The following TNRC6B variants were observed in gnomAD, a reference collection of about 807,000 sequenced individuals.
TNRC6B encodes the protein trinucleotide repeat-containing gene 6B protein.
In TNRC6B, 52 loss-of-function variants were observed where a neutral mutation model predicts 203.6. The observed-to-expected ratio is 0.26, with a 90% CI of 0.20 to 0.32. The LOEUF (loss-of-function observed/expected upper bound fraction) is 0.32, where lower values mean the gene tolerates loss of function less well. TNRC6B is among the 10% of genes least tolerant of loss of function. The pLI is 1.00. For missense variants in TNRC6B, 1,923 were observed against 2,286.2 expected, an observed-to-expected ratio of 0.84 and a Z score of 3.24; for synonymous variants, 838 against 845.7, an observed-to-expected ratio of 0.99 and a Z score of 0.16.
At chr22:40,304,403 G>A (rs2071064433) in intron 15 of TNRC6B, among the ~76,000 whole-genome samples, 1 of 152,152 alleles carries the variant, frequency 6.6e-6, no homozygotes, top group Admixed American at 6.5e-5. Flanking sequence ...AAGAGTGAGA[G>A]GGAGAGGGAG....
intron 3 of TNRC6B, among the ~76,000 whole-genome samples, chr22:40,138,683 A>G (rs1235280516): frequency 6.6e-6 from 1 of 152,132 alleles, no homozygotes; most frequent in African/African-American, 2.4e-5. Flanking sequence ...GGACATCAAG[A>G]TACGTATTAG....
intron 1 of TNRC6B, among the ~76,000 whole-genome samples, chr22:40,099,212 C>T (rs1325458080): frequency 6.6e-6 from 1 of 150,734 alleles, no homozygotes; most frequent in Non-Finnish European, 1.5e-5. Context: ...ATCGCGTGCA[C>T]CACTGCACTC....
chr22:40,079,118 G>C (rs894904219), intron 1 of TNRC6B, among the ~76,000 whole-genome samples: 1 of 151,678 alleles, frequency 6.6e-6, no homozygotes, highest in Admixed American at 6.6e-5. Flanking sequence ...TCGCCGTGTT[G>C]CCCAGGCTGG....
intron 1 of TNRC6B, among the ~76,000 whole-genome samples, chr22:40,068,537 C>G (rs1217724683): frequency 2.0e-5 from 3 of 152,042 alleles, no homozygotes; most frequent in South Asian, 4.1e-4. Flanking sequence ...AGGCTGGTCT[C>G]GAACTCCTAG....
At chr22:40,167,254 T>A (rs1210643840) in intron 4 of TNRC6B, among the ~76,000 whole-genome samples, 1 of 152,144 alleles carries the variant, frequency 6.6e-6, no homozygotes, top group African/African-American at 2.4e-5. Context: ...TAGGGGGATC[T>A]CCAGAATGGC....
intron 1 of TNRC6B, among the ~76,000 whole-genome samples, chr22:40,238,582 A>G (rs2069981554): frequency 6.6e-6 from 1 of 151,664 alleles, no homozygotes; most frequent in African/African-American, 2.4e-5. Context: ...ACTGATTGAC[A>G]TTTGCCACTC....
At chr22:40,219,632 G>A (rs947434993) in intron 1 of TNRC6B, among the ~76,000 whole-genome samples, 2 of 152,006 alleles carry the variant, frequency 1.3e-5, no homozygotes, top group Admixed American at 6.6e-5. Context: ...TCCTTCCTGC[G>A]CTTCACACTC....
intron 1 of TNRC6B, among the ~76,000 whole-genome samples, chr22:40,057,258 GATTT>G (rs896298123): frequency 1.4e-5 from 2 of 147,912 alleles, no homozygotes; most frequent in African/African-American, 5.0e-5. Context: ...TAAAGGTGTT[GATTT>G]ATTAAATGTG....
chr22:40,143,058 A>C (rs947875770), intron 3 of TNRC6B, among the ~76,000 whole-genome samples: 1 of 152,230 alleles, frequency 6.6e-6, no homozygotes, highest in African/African-American at 2.4e-5. Context: ...AAAAAGCACT[A>C]ACTGTAAAAG....
At chr22:40,268,978 T>C (rs1467925871) in intron 5 of TNRC6B, among the ~76,000 whole-genome samples, 1 of 151,264 alleles carries the variant, frequency 6.6e-6, no homozygotes, top group East Asian at 1.9e-4. Flanking sequence ...CCAAAGGTAA[T>C]CTCTTAGAAG....
intron 1 of TNRC6B, among the ~76,000 whole-genome samples, chr22:40,188,108 C>T (rs1011201965): frequency 6.6e-6 from 1 of 152,106 alleles, no homozygotes; most frequent in Non-Finnish European, 1.5e-5. Flanking sequence ...ACTTGGGAGA[C>T]TGAGGTAAGA....
chr22:40,267,927 G>A (rs771618894), intron 5 of TNRC6B, among the ~76,000 whole-genome samples: 3 of 151,926 alleles, frequency 2.0e-5, no homozygotes, highest in East Asian at 1.9e-4. Flanking sequence ...ACTTTCTTCC[G>A]TCACTATTTG....
intron 2 of TNRC6B, among the ~76,000 whole-genome samples, chr22:40,123,632 C>T (rs1375100049): frequency 6.6e-6 from 1 of 152,190 alleles, no homozygotes; most frequent in Non-Finnish European, 1.5e-5. Context: ...AGGAAGCAGA[C>T]AGTACAGCAC....
At chr22:40,191,464 G>C (rs1364686049) in intron 1 of TNRC6B, among the ~76,000 whole-genome samples, 1 of 152,206 alleles carries the variant, frequency 6.6e-6, no homozygotes, top group Admixed American at 6.5e-5. Flanking sequence ...GGGAGTGAGT[G>C]GGAGAGTGGG....
At chr22:40,151,110 A>AG (rs1277304938) in intron 3 of TNRC6B, among the ~76,000 whole-genome samples, 1 of 152,212 alleles carries the variant, frequency 6.6e-6, no homozygotes, top group Non-Finnish European at 1.5e-5. Flanking sequence ...AGGGAGCAGA[A>AG]GAAAACTAAA....
intron 1 of TNRC6B, among the ~76,000 whole-genome samples, chr22:40,076,322 T>A (rs1198117127): frequency 2.6e-5 from 4 of 152,158 alleles, no homozygotes; most frequent in Non-Finnish European, 5.9e-5. Context: ...GAGGCTGAGA[T>A]AGATCACTTG....
intron 12 of TNRC6B, among the ~76,000 whole-genome samples, chr22:40,292,964 C>T (rs2070888289): frequency 6.6e-6 from 1 of 152,106 alleles, no homozygotes; most frequent in African/African-American, 2.4e-5. Context: ...GCCTTTTTTG[C>T]ACTTAACCCA....
chr22:40,055,699 T>C (rs1189458220), intron 1 of TNRC6B, among the ~76,000 whole-genome samples: 1 of 152,204 alleles, frequency 6.6e-6, no homozygotes, highest in Non-Finnish European at 1.5e-5. Flanking sequence ...GCAAATGATG[T>C]TAGGTGGAAT....
chr22:40,311,044 C>T lies in TNRC6B; in HGVS notation c.4435+51C>T. The T allele has an allele frequency of 1.9e-6, 3 of 1,543,344 alleles. No individual in the cohort carries two copies. In the South Asian group the frequency reaches 3.6e-5, roughly 18 times the overall value. On this transcript the variant is annotated intron_variant, in intron 17 of 22. Coordinates refer to ENST00000454349, the MANE Select transcript of TNRC6B (RefSeq NM_001162501.2). ...AGGATAGCATTTGTTTTGTAATTGT[C>T]AGTTTCAGGTTCAGAATACATTGCT...
Sources: allele counts gnomAD v4.1 joint callset (sites outside exome capture counted in the v4.1 genomes callset), GRCh38; gene constraint gnomAD v4.1.1; transcripts MANE v1.5; gene names NCBI Gene and HGNC (gene_info 2026-07-23, HGNC 2026-07-21).